RBFOX1: variants seen among roughly 807,000 people sequenced by gnomAD.
RBFOX1 encodes the protein RNA binding protein fox-1 homolog 1.
Under a neutral mutation model 57.7 loss-of-function variants are expected in RBFOX1, and 8 were observed. That is an observed-to-expected ratio of 0.14 (90% CI 0.08 to 0.25). The LOEUF (loss-of-function observed/expected upper bound fraction) is 0.25. Ranked by LOEUF, RBFOX1 falls within the 10% of genes least tolerant of loss-of-function variation. RBFOX1 has a pLI of 1.00. For missense variants in RBFOX1, 611 were observed against 548.5 expected, an observed-to-expected ratio of 1.11 and a Z score of -1.14; for synonymous variants, 326 against 222.4, an observed-to-expected ratio of 1.47 and a Z score of -4.15.
chr16:7,608,867 C>G (rs2056869770), intron 10 of RBFOX1, among the ~76,000 whole-genome samples: 1 of 152,188 alleles, frequency 6.6e-6, no homozygotes, highest in Non-Finnish European at 1.5e-5. Context: ...GCTGCATATT[C>G]TGCTGAATTT....
At chr16:6,810,878 G>A (rs973384129) in intron 3 of RBFOX1, among the ~76,000 whole-genome samples, 13 of 152,162 alleles carry the variant, frequency 8.5e-5, no homozygotes, top group African/African-American at 2.9e-4. Flanking sequence ...AACATGTGGG[G>A]ATTACGGTTC....
intron 4 of RBFOX1, among the ~76,000 whole-genome samples, chr16:7,434,324 T>A (rs893344421): frequency 2.0e-5 from 3 of 151,894 alleles, no homozygotes; most frequent in Non-Finnish European, 4.4e-5. Context: ...ACAAAAAAAT[T>A]AGCTGGGCAC....
chr16:7,249,101 G>C (rs1389981710), intron 4 of RBFOX1, among the ~76,000 whole-genome samples: 2 of 152,098 alleles, frequency 1.3e-5, no homozygotes, highest in Non-Finnish European at 2.9e-5. Context: ...GAGGGGAAGA[G>C]AGAAATGGGA....
intron 3 of RBFOX1, among the ~76,000 whole-genome samples, chr16:6,848,728 C>T (rs8054432): frequency 0.29 from 44,737 of 151,812 alleles, 6,792 homozygotes; most frequent in South Asian, 0.4. Flanking sequence ...TAATCTTTAA[C>T]GTTCAGTAAC....
At chr16:7,114,942 T>C (rs966655272) in intron 4 of RBFOX1, among the ~76,000 whole-genome samples, 1 of 152,176 alleles carries the variant, frequency 6.6e-6, no homozygotes, top group Non-Finnish European at 1.5e-5. Context: ...CACTTAGCTG[T>C]GAAGCCTCTG....
At chr16:5,663,968 C>T (rs1235287544) in intron 3 of RBFOX1, among the ~76,000 whole-genome samples, 1 of 152,068 alleles carries the variant, frequency 6.6e-6, no homozygotes, top group African/African-American at 2.4e-5. Flanking sequence ...CGAGATATTC[C>T]GGCCATGGCG....
At chr16:6,571,939 A>G (rs2097350384) in intron 2 of RBFOX1, among the ~76,000 whole-genome samples, 1 of 152,200 alleles carries the variant, frequency 6.6e-6, no homozygotes, top group Non-Finnish European at 1.5e-5. Flanking sequence ...GATTATCATC[A>G]TTTTATATAC....
chr16:5,556,615 C>A (rs1041229307), intron 2 of RBFOX1, among the ~76,000 whole-genome samples: 9 of 152,218 alleles, frequency 5.9e-5, no homozygotes, highest in African/African-American at 2.2e-4. Flanking sequence ...GCAGAGGATG[C>A]CAACCCTCTC....
chr16:7,321,145 T>TA, intron 4 of RBFOX1, among the ~76,000 whole-genome samples: 1 of 67,226 alleles, frequency 1.5e-5, no homozygotes, highest in Admixed American at 2.0e-4. Flanking sequence ...ACTTATATTG[T>TA]TTGTTTTTTG....
chr16:7,162,770 A>G (rs2078637569), intron 4 of RBFOX1, among the ~76,000 whole-genome samples: 1 of 152,012 alleles, frequency 6.6e-6, no homozygotes, highest in Non-Finnish European at 1.5e-5. Context: ...AGATAAATAC[A>G]AGGCAAATTG....
At chr16:7,371,821 A>C (rs2097571859) in intron 4 of RBFOX1, among the ~76,000 whole-genome samples, 1 of 152,214 alleles carries the variant, frequency 6.6e-6, no homozygotes, top group African/African-American at 2.4e-5. Flanking sequence ...GTTTTCACAT[A>C]CTGACAAAAA....
chr16:5,462,351 G>T (rs1597163231), intron 1 of RBFOX1, among the ~76,000 whole-genome samples: 1 of 151,786 alleles, frequency 6.6e-6, no homozygotes, highest in South Asian at 2.1e-4. Flanking sequence ...TGTATTTTTA[G>T]TAGAGACGGG....
At chr16:6,766,587 TA>T (rs1393021998) in intron 3 of RBFOX1, among the ~76,000 whole-genome samples, 1 of 151,900 alleles carries the variant, frequency 6.6e-6, no homozygotes, top group Non-Finnish European at 1.5e-5. Context: ...AGGTACCTAC[TA>T]GTCACATGGG....
At chr16:5,624,489 G>A (rs1041350965) in intron 3 of RBFOX1, among the ~76,000 whole-genome samples, 6 of 152,324 alleles carry the variant, frequency 3.9e-5, no homozygotes, top group Non-Finnish European at 7.3e-5. Flanking sequence ...GAGCCATCGC[G>A]CCCAGCCACC....
At chr16:7,254,277 A>G (rs565330864) in intron 4 of RBFOX1, among the ~76,000 whole-genome samples, 1 of 152,306 alleles carries the variant, frequency 6.6e-6, no homozygotes, top group South Asian at 2.1e-4. Context: ...CACTCCATAA[A>G]GAAATTCTTG....
intron 3 of RBFOX1, among the ~76,000 whole-genome samples, chr16:6,752,931 G>A (rs761831799): frequency 1.3e-5 from 2 of 151,664 alleles, no homozygotes; most frequent in East Asian, 1.9e-4. Flanking sequence ...ATGTTTATAC[G>A]GTGTGAATAT....
chr16:7,342,706 A>C (rs1407104872), intron 4 of RBFOX1, among the ~76,000 whole-genome samples: 1 of 152,004 alleles, frequency 6.6e-6, no homozygotes, highest in African/African-American at 2.4e-5. Context: ...AGAGGGAGAG[A>C]TGCCACCATG....
chr16:7,418,569 G>C (rs138017609), intron 4 of RBFOX1, among the ~76,000 whole-genome samples: 37 of 152,250 alleles, frequency 2.4e-4, no homozygotes, highest in African/African-American at 8.9e-4. Flanking sequence ...ATAGTCAGTA[G>C]ACATTGGGTA....
chr16:6,877,467 C>G (rs1008467182), intron 3 of RBFOX1, among the ~76,000 whole-genome samples: 2 of 152,060 alleles, frequency 1.3e-5, no homozygotes, highest in African/African-American at 4.8e-5. Context: ...TTGACTTCTG[C>G]TTGATATCAG....
Sources: allele counts gnomAD v4.1 joint callset (sites outside exome capture counted in the v4.1 genomes callset), GRCh38; gene constraint gnomAD v4.1.1; transcripts MANE v1.5; gene names NCBI Gene and HGNC (gene_info 2026-07-23, HGNC 2026-07-21).